ELOVL4: variants seen among roughly 807,000 people sequenced by gnomAD.
ELOVL4 encodes the protein ELOVL fatty acid elongase 4.
In ELOVL4, 18 loss-of-function variants were observed where a neutral mutation model predicts 42.1. The ratio of observed to expected loss-of-function variants is 0.43; its 90% CI spans 0.30 to 0.63. The LOEUF (loss-of-function observed/expected upper bound fraction) is 0.63. Ranked by LOEUF, ELOVL4 falls within the 30% of genes least tolerant of loss-of-function variation. The pLI is 0.15. For synonymous variants in ELOVL4, 117 were observed against 127.0 expected (o/e 0.92, Z 0.53); for missense variants, 299 against 376.2 (o/e 0.79, Z 1.70).
At chr6:79,944,381 C>T (rs927527448) in intron 1 of ELOVL4, among the ~76,000 whole-genome samples, 4 of 152,180 alleles carry the variant, frequency 2.6e-5, no homozygotes, top group Non-Finnish European at 4.4e-5. Flanking sequence ...AAGTCCTACA[C>T]CAGCCTATAC....
intron 3 of ELOVL4, among the ~76,000 whole-genome samples, chr6:79,922,436 C>A (rs768705368): frequency 5.8e-4 from 89 of 152,150 alleles, no homozygotes; most frequent in Middle Eastern, 6.3e-3. Flanking sequence ...TAAGTCTTTT[C>A]TTTTCCTGGG....
chr6:79,923,251 G>A (rs1043245034), intron 3 of ELOVL4, among the ~76,000 whole-genome samples: 4 of 152,080 alleles, frequency 2.6e-5, no homozygotes, highest in African/African-American at 9.7e-5. Flanking sequence ...TCACTCTATT[G>A]CATCCCATAT....
intron 1 of ELOVL4, among the ~76,000 whole-genome samples, chr6:79,934,943 T>C (rs1243170664): frequency 6.6e-6 from 1 of 152,112 alleles, no homozygotes; most frequent in Non-Finnish European, 1.5e-5. Flanking sequence ...ACACTGAGAA[T>C]AAAAAAACAT....
Position 79,947,308 on chromosome 6 carries a change from G to C in ELOVL4, c.-29C>G, listed in dbSNP as rs972935977. On this transcript the variant is annotated 5_prime_UTR_variant, in exon 1 of 6. Coordinates refer to ENST00000369816, the MANE Select transcript of ELOVL4 (RefSeq NM_022726.4). ...GGCGATGAGCGGGCGCTGGCGGCAG[G>C]AGAAAGCGGAGACCCAGAGAGAGGG... 5 of 1,560,188 alleles carry C rather than the reference G, an allele frequency of 3.2e-6. No individual in the cohort carries two copies. In the African/African-American group the frequency reaches 5.4e-5, roughly 17 times the overall value.
At chr6:79,945,326 A>G (rs1774720379) in intron 1 of ELOVL4, among the ~76,000 whole-genome samples, 1 of 152,162 alleles carries the variant, frequency 6.6e-6, no homozygotes, top group Non-Finnish European at 1.5e-5. Flanking sequence ...TTGGCCCACA[A>G]TATTATATTA....
At chr6:79,934,902 T>C (rs1174476412) in intron 1 of ELOVL4, among the ~76,000 whole-genome samples, 1 of 151,992 alleles carries the variant, frequency 6.6e-6, no homozygotes, top group Non-Finnish European at 1.5e-5. Flanking sequence ...TAAATAAAAA[T>C]TACCATGAAT....
At chr6:79,937,084 G>A (rs1216576712) in intron 1 of ELOVL4, among the ~76,000 whole-genome samples, 3 of 152,152 alleles carry the variant, frequency 2.0e-5, no homozygotes, top group Non-Finnish European at 2.9e-5. Context: ...AGAATGTGAT[G>A]GGCAGACAGG....
Position 79,947,392 on chromosome 6 carries a change from G to A in ELOVL4, c.-113C>T. On this transcript the variant is annotated 5_prime_UTR_variant, in exon 1 of 6. Coordinates refer to ENST00000369816, the MANE Select transcript of ELOVL4 (RefSeq NM_022726.4). ...AGCGGCGGCCGGGAACCCCTCTAAC[G>A]GCGGCGGCCCGGCTGCGTCTTCTCC... is the stretch of plus-strand genomic sequence containing the variant. 4 of 812,976 alleles carry A rather than the reference G, an allele frequency of 4.9e-6. No homozygotes were observed. Among genetic ancestry groups the A allele is most frequent in the Non-Finnish European group, 8.2e-6 (4 of 489,630 alleles). The allele number at this position is 812,976 out of a possible 1,614,324, so 50.4% of individuals were successfully genotyped here. A position where few individuals can be genotyped will look rare whatever the true frequency, so the allele number is the denominator to read the frequency against.
At position 79,921,869 on chromosome 6, in the gene ELOVL4, G is replaced by C. The variant is rs146327666; in HGVS notation, c.370-73C>G. The C allele has an allele frequency of 2.8e-3, 4,032 of 1,427,868 alleles. 21 individuals are homozygous for C. The highest frequency in any genetic ancestry group is 0.014 in the Middle Eastern group (76 of 5,284). The allele number at this position is 1,427,868 out of a possible 1,614,324, so 88.4% of individuals were successfully genotyped here. A position where few individuals can be genotyped will look rare whatever the true frequency, so the allele number is the denominator to read the frequency against. ...ATGGGTTTATACTCATTGTAAGTAA[G>C]TCCAAAATAAACATTTGTATATTGC... is the stretch of plus-strand genomic sequence containing the variant. On this transcript the variant is annotated intron_variant, in intron 3 of 5. Coordinates refer to ENST00000369816, the MANE Select transcript of ELOVL4 (RefSeq NM_022726.4).
chr6:79,940,983 T>C (rs947094442), intron 1 of ELOVL4, among the ~76,000 whole-genome samples: 1 of 151,180 alleles, frequency 6.6e-6, no homozygotes, highest in Admixed American at 6.6e-5. Flanking sequence ...CTATTTCTTA[T>C]AAAGCAAATT....
intron 5 of ELOVL4, 54 bp downstream of exon 5, chr6:79,919,366 A>C (rs1774211984): frequency 1.2e-5 from 19 of 1,592,376 alleles, no homozygotes; most frequent in South Asian, 9.9e-5. Context: ...AATTAATCAA[A>C]TTTAAACAAT....
rs2127698516 is a variant in ELOVL4 at position 79,921,720 on chromosome 6, T to C, written c.446A>G (p.Lys149Arg). The part of the protein sequence containing the change: ...YLDTVFFILR[K>R]KNNQVSFLHV... ...AAGGAAAGAAACTTGGTTGTTTTTC[T>C]TTCTCAGAATAAAAAACACTGTGTC... is the stretch of plus-strand genomic sequence containing the variant. The change falls in exon 4 of 6, where the codon AAG becomes AGG. Residue 149 changes from lysine (K) to arginine (R), a missense_variant. Coordinates refer to ENST00000369816, the MANE Select transcript of ELOVL4 (RefSeq NM_022726.4). 6.2e-7 allele frequency: 1 copy of C among 1,613,996 alleles called. No homozygotes were observed. The highest frequency in any genetic ancestry group is 8.5e-7 in the Non-Finnish European group (1 of 1,179,912).
chr6:79,939,607 T>C (rs552776242), intron 1 of ELOVL4, among the ~76,000 whole-genome samples: 40 of 152,190 alleles, frequency 2.6e-4, no homozygotes, highest in African/African-American at 9.2e-4. Flanking sequence ...CACTGAAGCC[T>C]TCACCTCCCA....
At chr6:79,938,575 C>T (rs935736412) in intron 1 of ELOVL4, among the ~76,000 whole-genome samples, 1 of 152,186 alleles carries the variant, frequency 6.6e-6, no homozygotes, top group Non-Finnish European at 1.5e-5. Context: ...CAATCCTACA[C>T]CGTCATATGG....
chr6:79,930,190 C>A (rs1774420377), intron 1 of ELOVL4, among the ~76,000 whole-genome samples: 1 of 152,208 alleles, frequency 6.6e-6, no homozygotes, highest in Non-Finnish European at 1.5e-5. Flanking sequence ...GGGAAAAAAG[C>A]AATGCCCTCA....
intron 5 of ELOVL4, 143 bp downstream of exon 5, chr6:79,919,277 G>A: frequency 1.1e-6 from 1 of 872,432 alleles, no homozygotes; most frequent in Non-Finnish European, 1.8e-6. Flanking sequence ...CTAGAGTCAA[G>A]TGGGCATAAC....
Position 79,926,385 on chromosome 6 carries a change from T to C in ELOVL4, c.101-4A>G, listed in dbSNP as rs140639896. On this transcript the variant is annotated splice_region_variant and splice_polypyrimidine_tract_variant and intron_variant, in intron 1 of 5. Transcript: ENST00000369816. ...GGCCAATTTTCCACACGCTTATCTA[T>C]AGAGAGAACAAAATACCATAAAATT... 839 of 1,613,126 alleles carry C rather than the reference T, an allele frequency of 5.2e-4. 3 individuals carry two copies. In the African/African-American group the frequency reaches 8.6e-3, roughly 16 times the overall value.
At chr6:79,929,646 T>C (rs189959667) in intron 1 of ELOVL4, among the ~76,000 whole-genome samples, 7 of 152,314 alleles carry the variant, frequency 4.6e-5, no homozygotes, top group Admixed American at 1.3e-4. Context: ...AACTACATGA[T>C]CATTTAGGTT....
rs931497085 is a variant in ELOVL4, at chr6:79,947,343, G to A, written c.-64C>T. On this transcript the variant is annotated 5_prime_UTR_variant, in exon 1 of 6. Transcript: ENST00000369816. ...AGACCCAGAGAGAGGGCTGACCCCG[G>A]AGGCGGTGGCGGCCGACGGGGCGAG... is the stretch of plus-strand genomic sequence containing the variant. 1.3e-5 allele frequency: 18 copies of A among 1,362,386 alleles called. No individual in the cohort carries two copies. Among genetic ancestry groups the A allele is most frequent in the Middle Eastern group, 1.9e-4 (1 of 5,240 alleles). The allele number at this position is 1,362,386 out of a possible 1,614,324, so 84.4% of individuals were successfully genotyped here.
Sources: allele counts gnomAD v4.1 joint callset (sites outside exome capture counted in the v4.1 genomes callset), GRCh38; gene constraint gnomAD v4.1.1; transcripts MANE v1.5; gene names NCBI Gene and HGNC (gene_info 2026-07-23, HGNC 2026-07-21).